The following ACADVL variants were observed in gnomAD, a reference collection of about 807,000 sequenced individuals.
ACADVL encodes the protein acyl-CoA dehydrogenase very long chain.
ACADVL carries 73 observed loss-of-function variants against 80.4 expected under a neutral mutation model. The ratio of observed to expected loss-of-function variants is 0.91; its 90% CI spans 0.75 to 1.10. The LOEUF (loss-of-function observed/expected upper bound fraction) is 1.10. Among genes scored for constraint, ACADVL ranks in the 50% least tolerant of loss-of-function variants. ACADVL has a pLI of 0.00. For missense variants in ACADVL, 878 were observed against 858.9 expected, an observed-to-expected ratio of 1.02 and a Z score of -0.28; for synonymous variants, 392 against 326.5, an observed-to-expected ratio of 1.20 and a Z score of -2.16.
upstream of ACADVL, chr17:7,217,248 A>C (rs998446241): frequency 1.7e-6 from 2 of 1,198,184 alleles, no homozygotes; most frequent in Non-Finnish European, 2.1e-6. Flanking sequence ...TCCGCACCCC[A>C]CTTTTGCAGG....
chr17:7,217,691 G>A, upstream of ACADVL: 3 of 1,528,886 alleles, frequency 2.0e-6, no homozygotes, highest in Non-Finnish European at 2.6e-6. Context: ...TGCCTTGGCA[G>A]AGTTAACTCC....
upstream of ACADVL, chr17:7,218,450 T>C (rs1315539386): frequency 6.3e-6 from 9 of 1,432,460 alleles, no homozygotes; most frequent in Non-Finnish European, 8.7e-6. Flanking sequence ...TGCTCCAGCT[T>C]GGACCAAATG....
intron 6 of ACADVL, 38 bp from the exon 7 acceptor site, chr17:7,221,500 C>T (rs755623789): frequency 6.2e-7 from 1 of 1,611,506 alleles, no homozygotes; most frequent in Non-Finnish European, 8.5e-7. Flanking sequence ...GGTCCCCCTG[C>T]AGCCAGTGAC....
chr17:7,223,674 G>T lies in ACADVL; in HGVS notation c.1213G>T (p.Asp405Tyr). ...GGCTTACATGGTGAGTGCTAACATG[G>T]ACCAGGGAGCCACGGACTTCCAGAT... is the stretch of plus-strand genomic sequence containing the variant. ...SMAYMVSANM[D>Y]QGATDFQIEA... Residue 405 changes from aspartate (D) to tyrosine (Y), a missense_variant, in exon 12 of 20, where the codon GAC becomes TAC. Coordinates refer to ENST00000356839, the MANE Select transcript of ACADVL (RefSeq NM_000018.4). The T allele has an allele frequency of 6.2e-7, 1 of 1,614,050 alleles. No homozygotes were observed. Among genetic ancestry groups the T allele is most frequent in the Non-Finnish European group, 8.5e-7 (1 of 1,180,008 alleles).
chr17:7,217,239 C>G (rs1395577928), upstream of ACADVL: 1 of 1,256,478 alleles, frequency 8.0e-7, no homozygotes, highest in East Asian at 3.2e-5. Context: ...CCTCCCCCCT[C>G]CGCACCCCAC....
intron 10 of ACADVL, 59 bp downstream of exon 10, chr17:7,222,924 C>T: frequency 1.3e-6 from 2 of 1,586,856 alleles, no homozygotes; most frequent in Non-Finnish European, 1.7e-6. Flanking sequence ...GTCCCCCTTG[C>T]CATGTGTCCC....
rs1555527877 is a variant in ACADVL at position 7,220,923 on chromosome 17, G to A, written c.343-1G>A. 1 of 1,613,882 alleles carries A rather than the reference G, an allele frequency of 6.2e-7. No individual in the cohort carries two copies. The highest frequency in any genetic ancestry group is 2.2e-5 in the East Asian group (1 of 44,894). On this transcript the variant is annotated splice_acceptor_variant, in intron 5 of 19. Transcript: ENST00000356839. LOFTEE classifies it high-confidence loss of function. The stretch of plus-strand genomic sequence containing the variant: ...GATGTGGGATCCTGTGCCTTCCCCA[G>A]GAAGTGAACGATCCCGCCAAGAATG...
chr17:7,218,598 G>A (rs747053840), upstream of ACADVL: 23 of 1,566,204 alleles, frequency 1.5e-5, no homozygotes, highest in Admixed American at 9.5e-5. Flanking sequence ...GGTGCCCACC[G>A]CAGCAGTGGG....
At chr17:7,219,018 C>T, upstream of ACADVL, 1 of 694,574 alleles carries the variant, frequency 1.4e-6, no homozygotes, top group Non-Finnish European at 2.5e-6. Context: ...CTCCACACAC[C>T]CTGGCCCCCT....
Position 7,223,726 on chromosome 17 carries a change from G to C in ACADVL, c.1265G>C (p.Gly422Ala). The change falls in exon 12 of 20, where the codon GGC (glycine) becomes GCC (alanine). Residue 422 changes from glycine to alanine, a missense_variant. Physicochemically the swap from Gly to Ala is moderately conservative, Grantham distance 60 (BLOSUM62 0). Transcript: ENST00000356839. ...QIEAAISKIF[G>A]SEAAWKVTDE... ...GAGGCCGCCATCAGCAAAATCTTTG[G>C]CTCGGTGAGGTCCCAGGCATGCTGG... 1 of 1,614,142 alleles carries C rather than the reference G, an allele frequency of 6.2e-7. No individual in the cohort carries two copies. Among genetic ancestry groups the C allele is most frequent in the Non-Finnish European group, 8.5e-7 (1 of 1,180,026 alleles).
rs2071225938 is a variant in ACADVL, at chr17:7,221,551, T to G, written c.491T>G (p.Val164Gly). ...CTTCCCCTCCAGTACGCCCGTTTGGTGGAGATCGTGGGCATGCATGACCTT... is the reference window on the plus strand; with the variant it reads ...CTTCCCCTCCAGTACGCCCGTTTGGGGGAGATCGTGGGCATGCATGACCTT... The part of the protein sequence containing the change: ...GLCNTQYARL[V>G]EIVGMHDLGV... The change falls in exon 7 of 20, where the codon GTG becomes GGG. Residue 164 changes from valine (V) to glycine (G), a missense_variant. Physicochemically the swap from Val to Gly is moderately radical, Grantham distance 109. Transcript: ENST00000356839. The G allele has an allele frequency of 1.2e-6, 2 of 1,613,972 alleles. No individual in the cohort carries two copies. The highest frequency in any genetic ancestry group is 1.7e-6 in the Non-Finnish European group (2 of 1,179,994).
rs752699477 is a variant in ACADVL at position 7,223,744 on chromosome 17, C to A, written c.1269+14C>A. 8.1e-6 allele frequency: 13 copies of A among 1,614,020 alleles called. 1 individual carries two copies. In the South Asian group the frequency reaches 1.1e-4, roughly 14 times the overall value. On this transcript the variant is annotated intron_variant, in intron 12 of 19. Coordinates refer to ENST00000356839, the MANE Select transcript of ACADVL (RefSeq NM_000018.4). ...ATCTTTGGCTCGGTGAGGTCCCAGG[C>A]ATGCTGGGAGGGAGTCCAGTTTGGG... is the stretch of plus-strand genomic sequence containing the variant.
chr17:7,222,288 C>CG lies in ACADVL; in HGVS notation c.869dup (p.Ile291HisfsTer7), dbSNP rs886044671. Reference sequence around the variant, plus strand: ...CAGCTTTTGTGGTGGAGAGGGGCTTCGGGGGCATTACCCAGTGAGTGAATT... The same window carrying CG: ...CAGCTTTTGTGGTGGAGAGGGGCTTCGGGGGGCATTACCCAGTGAGTGAATT... On this transcript the variant is annotated frameshift_variant, in exon 9 of 20. Transcript: ENST00000356839. LOFTEE classifies it high-confidence loss of function. The CG allele has an allele frequency of 1.9e-6, 3 of 1,613,860 alleles. No individual in the cohort carries two copies. The Admixed American group carries it at 5.0e-5, about 27-fold the overall frequency.
rs1431769044 is a variant in ACADVL at position 7,222,795 on chromosome 17, T to A, written c.1007T>A (p.Ile336Asn). The change falls in exon 10 of 20, where the codon ATC becomes AAC. Residue 336 changes from isoleucine (I) to asparagine (N), a missense_variant. Transcript: ENST00000356839. ...VGSGFKVAMH[I>N]LNNGRFGMAA... ...AGTGGCTTCAAGGTTGCCATGCACA[T>A]CCTCAACAATGGAAGGTTTGGCATG... is the stretch of plus-strand genomic sequence containing the variant. 6.2e-7 allele frequency: 1 copy of A among 1,613,920 alleles called. No individual in the cohort carries two copies.
In ACADVL at chr17:7,222,036, CCT is replaced by C. The variant is rs1555528304; in HGVS notation, c.708_709del (p.Cys237TrpfsTer15). On this transcript the variant is annotated frameshift_variant, in exon 8 of 20. Coordinates refer to ENST00000356839, the MANE Select transcript of ACADVL (RefSeq NM_000018.4). LOFTEE classifies it high-confidence loss of function. ...ATCCGAACCTCTGCTGTGCCCAGCC[CCT>C]GTGGAAAATACTATACCCTCAATGG... The C allele has an allele frequency of 6.2e-7, 1 of 1,614,124 alleles. No individual in the cohort carries two copies. The highest frequency in any genetic ancestry group is 1.3e-5 in the African/African-American group (1 of 75,006).
At position 7,220,998 on chromosome 17, in the gene ACADVL, G is replaced by A; in HGVS notation, c.417G>A (p.Leu139=). 1 of 1,614,090 alleles carries A rather than the reference G, an allele frequency of 6.2e-7. No individual in the cohort carries two copies. The highest frequency in any genetic ancestry group is 8.5e-7 in the Non-Finnish European group (1 of 1,180,030). ...EETTWQGLKE[L]GAFGLQVPSE... ...CCACTTGGCAGGGCCTCAAGGAGCT[G>A]GGGGCCTTTGGTCTGCAAGTGCCCA... The change falls in exon 6 of 20, where the codon CTG becomes CTA. Residue 139 remains leucine (L), a synonymous_variant. Transcript: ENST00000356839.
rs137919558 is a variant in ACADVL, at chr17:7,222,742, A to G, written c.954A>G (p.Pro318=). ...TGTTCTTTGATGGAGTACGGGTGCC[A>G]TCGGAGAACGTGCTGGGTGAGGTTG... is the stretch of plus-strand genomic sequence containing the variant. ...AEVFFDGVRV[P]SENVLGEVGS... Residue 318 remains proline, a synonymous_variant, in exon 10 of 20, where the codon CCA becomes CCG. Coordinates refer to ENST00000356839, the MANE Select transcript of ACADVL (RefSeq NM_000018.4). 7 of 1,614,018 alleles carry G rather than the reference A, an allele frequency of 4.3e-6. No individual in the cohort carries two copies. The African/African-American group carries it at 9.3e-5, about 22-fold the overall frequency.
At chr17:7,221,761 A>G (rs1296118844) in intron 7 of ACADVL, 79 bp downstream of exon 7, 1 of 1,606,602 alleles carries the variant, frequency 6.2e-7, no homozygotes, top group African/African-American at 1.3e-5. Context: ...CACTTAGATT[A>G]TCAGATGGCT....
upstream of ACADVL, chr17:7,219,330 A>T: frequency 1.1e-6 from 1 of 930,100 alleles, no homozygotes; most frequent in Non-Finnish European, 1.3e-6. Context: ...CAGAGGGCAA[A>T]GACAGAAGGG....
Sources: allele counts gnomAD v4.1 joint callset, GRCh38; gene constraint gnomAD v4.1.1; transcripts MANE v1.5; gene names NCBI Gene and HGNC (gene_info 2026-07-23, HGNC 2026-07-21).